FSIP2: variants seen among roughly 807,000 people sequenced by gnomAD.
FSIP2 encodes fibrous sheath interacting protein 2, also known as fibrous sheath-interacting protein 2.
A neutral mutation model predicts 510.5 loss-of-function variants in FSIP2; 367 were observed. The ratio of observed to expected loss-of-function variants is 0.72; its 90% CI spans 0.66 to 0.78. The LOEUF (loss-of-function observed/expected upper bound fraction) is 0.78. Among genes scored for constraint, FSIP2 ranks in the 30% least tolerant of loss-of-function variants. The pLI is 0.00. For synonymous variants in FSIP2, 2,601 were observed against 2,732.2 expected, an observed-to-expected ratio of 0.95 and a Z score of 1.50; for missense variants, 7,594 against 7,901.7, an observed-to-expected ratio of 0.96 and a Z score of 1.48.
chr2:185,765,299 A>G (rs1692446039), intron 13 of FSIP2: 2 of 152,064 alleles, frequency 1.3e-5, no homozygotes, highest in Non-Finnish European at 2.9e-5. Context: ...TCCTCACTTC[A>G]TGTAGTTACT....
Position 185,833,114 on chromosome 2 carries a change from A to T in FSIP2, c.20612A>T (p.Lys6871Ile). The T allele has an allele frequency of 1.9e-6, 3 of 1,610,958 alleles. No individual in the cohort carries two copies. Among genetic ancestry groups the T allele is most frequent in the Non-Finnish European group, 2.5e-6 (3 of 1,178,134 alleles). Residue 6871 changes from lysine (K) to isoleucine (I), a missense_variant, in exon 23 of 23, where the codon AAA becomes ATA. Physicochemically the swap from Lys to Ile is moderately radical, Grantham distance 102. Coordinates refer to ENST00000424728, the MANE Select transcript of FSIP2 (RefSeq NM_173651.4). ...ISETPKPDVS[K>I]QGSKMLTKMS... ...GAAACTCCCAAGCCCGATGTCTCCA[A>T]ACAAGGATCTAAAATGCTGACAAAA...
intron 13 of FSIP2, among the ~76,000 whole-genome samples, chr2:185,775,269 C>T (rs1392637263): frequency 1.3e-5 from 2 of 149,894 alleles, no homozygotes; most frequent in Non-Finnish European, 3.0e-5. Context: ...TTAATGATTG[C>T]CATTCTAACT....
intron 7 of FSIP2, among the ~76,000 whole-genome samples, chr2:185,749,312 C>T (rs1229071840): frequency 1.3e-5 from 2 of 151,876 alleles, no homozygotes; most frequent in Non-Finnish European, 2.9e-5. Context: ...TGTAGGTCTT[C>T]TTAATTTCTC....
chr2:185,776,179 GA>G (rs768006079), intron 13 of FSIP2, among the ~76,000 whole-genome samples: 1 of 152,110 alleles, frequency 6.6e-6, no homozygotes, highest in Non-Finnish European at 1.5e-5. Context: ...GCTGAGGTGG[GA>G]TAATGACTTG....
Position 185,799,700 on chromosome 2 carries a change from T to G in FSIP2, c.10394T>G (p.Phe3465Cys), listed in dbSNP as rs1469274513. The change falls in exon 17 of 23, where the codon TTT (phenylalanine) becomes TGT (cysteine). Residue 3465 changes from phenylalanine (F) to cysteine (C), a missense_variant. Physicochemically the swap from Phe to Cys is radical, Grantham distance 205. Transcript: ENST00000424728. ...TTACAATGTTTCCTTTTTTAAGTTT[T>G]TAGTGAGGAAAAGATGTCTGTTTCT... ...TYLKNFETTV[F>C]SEEKMSVSTW... The G allele has an allele frequency of 2.3e-6, 3 of 1,277,946 alleles. No homozygotes were observed. The highest frequency in any genetic ancestry group is 3.1e-6 in the Non-Finnish European group (3 of 968,770). 79.2% of individuals were successfully genotyped at this position (1,277,946 alleles called of 1,614,324 possible).
intron 20 of FSIP2, among the ~76,000 whole-genome samples, chr2:185,824,799 T>A (rs920278051): frequency 1.3e-5 from 2 of 151,826 alleles, no homozygotes; most frequent in African/African-American, 4.8e-5. Context: ...CCAGAACCCA[T>A]GCTACTAGGA....
At chr2:185,782,874 G>A in intron 14 of FSIP2, 112 bp downstream of exon 14, 1 of 669,650 alleles carries the variant, frequency 1.5e-6, no homozygotes, top group Non-Finnish European at 2.6e-6. Flanking sequence ...GTTCTACTTG[G>A]ATTTAGTGAA....
Position 185,809,111 on chromosome 2 carries a change from G to A in FSIP2, c.19805G>A (p.Arg6602Lys). The change falls in exon 17 of 23, where the codon AGA becomes AAA. Residue 6602 changes from arginine (R) to lysine (K), a missense_variant. Physicochemically the swap from Arg to Lys is conservative, Grantham distance 26. Coordinates refer to ENST00000424728, the MANE Select transcript of FSIP2 (RefSeq NM_173651.4). ...CGTACCTCATTGGATAAGACTGGAA[G>A]ACTGGATGTAAAACCCCTAGAGGTA... ...ERRTSLDKTG[R>K]LDVKPLEAVA... The A allele has an allele frequency of 6.3e-7, 1 of 1,575,520 alleles. No individual in the cohort carries two copies. Among genetic ancestry groups the A allele is most frequent in the Non-Finnish European group, 8.6e-7 (1 of 1,167,224 alleles).
chr2:185,802,099 G>A lies in FSIP2; in HGVS notation c.12793G>A (p.Gly4265Arg). Residue 4265 changes from glycine (G) to arginine (R), a missense_variant, in exon 17 of 23, where the codon GGA (glycine) becomes AGA (arginine). Physicochemically the swap from Gly to Arg is moderately radical, Grantham distance 125. Transcript: ENST00000424728. ...IENHLQPFLS[G>R]EVLCHPRTPL... is the part of the protein sequence containing the mutation. ...AAATCATCTTCAACCATTTTTGAGT[G>A]GAGAGGTTTTATGTCATCCAAGGAC... The A allele has an allele frequency of 2.0e-6, 3 of 1,533,422 alleles. No individual in the cohort carries two copies. Among genetic ancestry groups the A allele is most frequent in the Non-Finnish European group, 2.6e-6 (3 of 1,145,150 alleles). The allele number at this position is 1,533,422 out of a possible 1,614,324, so 95.0% of individuals were successfully genotyped here. A position where few individuals can be genotyped will look rare whatever the true frequency, so the allele number is the denominator to read the frequency against.
At chr2:185,814,974 T>C (rs1693802649) in intron 18 of FSIP2, among the ~76,000 whole-genome samples, 1 of 151,970 alleles carries the variant, frequency 6.6e-6, no homozygotes, top group African/African-American at 2.4e-5. Context: ...TTGCAACAAA[T>C]AGATCAAAGT....
chr2:185,812,778 T>C (rs1357186673), intron 17 of FSIP2, among the ~76,000 whole-genome samples: 1 of 152,122 alleles, frequency 6.6e-6, no homozygotes, highest in African/African-American at 2.4e-5. Context: ...TCTTCTGATA[T>C]TTTGTTATTG....
chr2:185,794,806 CATT>C lies in FSIP2; in HGVS notation c.7673_7675del (p.Leu2558del). ...AAAATGTACTTGGTAGTTGTGACATCATTATATGAAAATAATAAAAGTAGGACA... is the reference window on the plus strand; with the variant it reads ...AAAATGTACTTGGTAGTTGTGACATCATATGAAAATAATAAAAGTAGGACA... On this transcript the variant is annotated inframe_deletion, in exon 16 of 23. Coordinates refer to ENST00000424728, the MANE Select transcript of FSIP2 (RefSeq NM_173651.4). 6.5e-7 allele frequency: 1 copy of C among 1,532,248 alleles called. No individual in the cohort carries two copies. Among genetic ancestry groups the C allele is most frequent in the Middle Eastern group, 1.7e-4 (1 of 5,970 alleles). 94.9% of individuals were successfully genotyped at this position (1,532,248 alleles called of 1,614,324 possible).
rs1444236631 is a variant in FSIP2 at position 185,792,411 on chromosome 2, G to A, written c.5275G>A (p.Glu1759Lys). ...ACGTTCTCTTAAACAATGGGCTCTC[G>A]AAAAAACCTTAAACAAAATTGAAGT... The part of the protein sequence containing the change: ...KTRSLKQWAL[E>K]KTLNKIEVKL... The change falls in exon 16 of 23, where the codon GAA (glutamate) becomes AAA (lysine). Residue 1759 changes from glutamate (E) to lysine (K), a missense_variant. By Grantham distance (56) the Glu-to-Lys change is moderately conservative. Coordinates refer to ENST00000424728, the MANE Select transcript of FSIP2 (RefSeq NM_173651.4). The A allele has an allele frequency of 9.1e-6, 14 of 1,533,590 alleles. No homozygotes were observed. The highest frequency in any genetic ancestry group is 4.1e-5 in the African/African-American group (3 of 72,820). 95.0% of individuals were successfully genotyped at this position (1,533,590 alleles called of 1,614,324 possible). A position where few individuals can be genotyped will look rare whatever the true frequency, so the allele number is the denominator to read the frequency against.
Position 185,781,843 on chromosome 2 carries a change from C to CTT in FSIP2, c.1412-851_1412-850dup, listed in dbSNP as rs199815434. Among the ~76,000 whole-genome samples, 1,196 of 147,546 alleles carry CTT rather than the reference C, an allele frequency of 8.1e-3. 7 individuals carry two copies. The highest frequency in any genetic ancestry group is 0.023 in the South Asian group (109 of 4,692). ...CATTTAATTTTCAGGTATGGGCACT[C>CTT]TTTTTTTTTTTTGAGACGGAGTCTT... On this transcript the variant is annotated intron_variant, in intron 13 of 22. Transcript: ENST00000424728.
intron 19 of FSIP2, among the ~76,000 whole-genome samples, chr2:185,816,902 AAGAG>A (rs143036016): frequency 6.6e-6 from 1 of 151,042 alleles, no homozygotes. Context: ...AGAGAAAGAA[AAGAG>A]AGAGAAAGAA....
chr2:185,827,866 T>A (rs1237905999), intron 20 of FSIP2, among the ~76,000 whole-genome samples: 1 of 151,904 alleles, frequency 6.6e-6, no homozygotes, highest in Non-Finnish European at 1.5e-5. Flanking sequence ...TGGTTGTGCA[T>A]AGATGTATAG....
Position 185,788,797 on chromosome 2 carries a change from A to G in FSIP2, c.1661A>G (p.Asp554Gly). The G allele has an allele frequency of 2.0e-6, 3 of 1,534,664 alleles. No homozygotes were observed. The highest frequency in any genetic ancestry group is 2.6e-6 in the Non-Finnish European group (3 of 1,145,848). ...PVSDDSILSS[D>G]SSSFCSTCSE... is the part of the protein sequence containing the mutation. Reference sequence around the variant, plus strand: ...TCTGATGACTCCATCCTCTCTTCAGATAGTTCAAGTTTCTGTAGCACGTGC... The same window carrying G: ...TCTGATGACTCCATCCTCTCTTCAGGTAGTTCAAGTTTCTGTAGCACGTGC... The change falls in exon 16 of 23, where the codon GAT (aspartate) becomes GGT (glycine). Residue 554 changes from aspartate to glycine, a missense_variant. Coordinates refer to ENST00000424728, the MANE Select transcript of FSIP2 (RefSeq NM_173651.4).
chr2:185,747,380 TAGA>T lies in FSIP2; in HGVS notation c.832_834del (p.Glu278del). On this transcript the variant is annotated inframe_deletion, in exon 7 of 23. Transcript: ENST00000424728. The stretch of plus-strand genomic sequence containing the variant: ...GAAGATGTTAAAAGAGAAGAGAGGA[TAGA>T]AGAACAACAGCATAGAAACAGAGAA... 6.5e-7 allele frequency: 1 copy of T among 1,532,198 alleles called. No individual in the cohort carries two copies. Among genetic ancestry groups the T allele is most frequent in the South Asian group, 1.2e-5 (1 of 83,936 alleles). 94.9% of individuals were successfully genotyped at this position (1,532,198 alleles called of 1,614,324 possible). A position where few individuals can be genotyped will look rare whatever the true frequency, so the allele number is the denominator to read the frequency against.
At chr2:185,826,524 G>A (rs1450114668) in intron 20 of FSIP2, among the ~76,000 whole-genome samples, 1 of 151,712 alleles carries the variant, frequency 6.6e-6, no homozygotes, top group African/African-American at 2.4e-5. Flanking sequence ...GTCTTCACTG[G>A]CCACACTCTG....
Sources: gnomAD v4.1 joint callset for allele counts (sites outside exome capture counted in the v4.1 genomes callset) on GRCh38, gnomAD v4.1.1 for gene constraint, MANE v1.5 for transcripts, NCBI Gene and HGNC (gene_info 2026-07-23, HGNC 2026-07-21) for gene names.